Variants in ADK observed in about 807,000 individuals in gnomAD.
ADK encodes the protein adenosine kinase.
A neutral mutation model predicts 44.7 loss-of-function variants in ADK; 24 were observed. That is an observed-to-expected ratio of 0.54 (90% CI 0.39 to 0.76). The LOEUF (loss-of-function observed/expected upper bound fraction) is 0.76. Among genes scored for constraint, ADK ranks in the 30% least tolerant of loss-of-function variants. ADK has a pLI of 0.00. For synonymous variants in ADK, 128 were observed against 142.6 expected, an observed-to-expected ratio of 0.90 and a Z score of 0.73; for missense variants, 321 against 425.1, an observed-to-expected ratio of 0.76 and a Z score of 2.15.
intron 1 of ADK, among the ~76,000 whole-genome samples, chr10:74,191,451 G>C (rs1842948687): frequency 6.7e-6 from 1 of 149,910 alleles, no homozygotes; most frequent in African/African-American, 2.5e-5. Context: ...AAAAAGACAG[G>C]GTCTCGCCCA....
intron 6 of ADK, among the ~76,000 whole-genome samples, chr10:74,498,810 A>G (rs1197419960): frequency 6.6e-6 from 1 of 152,170 alleles, no homozygotes; most frequent in African/African-American, 2.4e-5. Flanking sequence ...ACCAACCCAA[A>G]TGTCCAACAA....
At chr10:74,285,555 T>G (rs1347481449) in intron 3 of ADK, among the ~76,000 whole-genome samples, 4 of 151,956 alleles carry the variant, frequency 2.6e-5, no homozygotes. Flanking sequence ...TCTATATGCA[T>G]CTGTGGTCCC....
chr10:74,543,199 C>T (rs1021671420), intron 7 of ADK, among the ~76,000 whole-genome samples: 3 of 148,866 alleles, frequency 2.0e-5, no homozygotes, highest in African/African-American at 7.7e-5. Flanking sequence ...AGCGCCTGGC[C>T]TATTTCATTT....
intron 6 of ADK, among the ~76,000 whole-genome samples, chr10:74,474,379 A>G (rs1846730882): frequency 6.6e-6 from 1 of 152,204 alleles, no homozygotes; most frequent in South Asian, 2.1e-4. Flanking sequence ...CTGAGATCAC[A>G]TGTGTGACCC....
intron 6 of ADK, among the ~76,000 whole-genome samples, chr10:74,414,190 T>C (rs1342637213): frequency 1.3e-5 from 2 of 152,160 alleles, no homozygotes; most frequent in African/African-American, 2.4e-5. Flanking sequence ...AAGGCAGGCT[T>C]GCCATAAACC....
intron 3 of ADK, among the ~76,000 whole-genome samples, chr10:74,277,297 C>T (rs1428485139): frequency 6.6e-6 from 1 of 152,208 alleles, no homozygotes; most frequent in Non-Finnish European, 1.5e-5. Flanking sequence ...TAAGTCTATA[C>T]ATTTTTCTCA....
intron 7 of ADK, among the ~76,000 whole-genome samples, chr10:74,573,172 C>T (rs7903786): frequency 0.5 from 74,797 of 150,986 alleles, 22,971 homozygotes; most frequent in African/African-American, 0.85. Flanking sequence ...GATGTACAGA[C>T]GGGTTTTTGG....
At chr10:74,161,700 CT>C (rs560513649) in intron 1 of ADK, among the ~76,000 whole-genome samples, 185 of 144,156 alleles carry the variant, frequency 1.3e-3, no homozygotes, top group South Asian at 4.7e-3. Flanking sequence ...ATTCTTAACA[CT>C]TTTTTTTTTT....
intron 10 of ADK, among the ~76,000 whole-genome samples, chr10:74,673,415 A>G (rs1855256325): frequency 6.6e-6 from 1 of 152,236 alleles, no homozygotes; most frequent in Non-Finnish European, 1.5e-5. Flanking sequence ...CTAGCCAGCC[A>G]CTTTGGTGCC....
chr10:74,355,950 C>CTG (rs1418470827), intron 4 of ADK, among the ~76,000 whole-genome samples: 2 of 145,250 alleles, frequency 1.4e-5, no homozygotes, highest in East Asian at 2.0e-4. Flanking sequence ...AAGGATACCT[C>CTG]TGTGTGTGTG....
chr10:74,609,667 G>A (rs755310757), intron 9 of ADK, among the ~76,000 whole-genome samples: 2 of 152,026 alleles, frequency 1.3e-5, no homozygotes, highest in Non-Finnish European at 2.9e-5. Context: ...GGTGCAGACC[G>A]GAGCTGTTCC....
chr10:74,193,266 A>G (rs561969666), intron 1 of ADK, among the ~76,000 whole-genome samples: 5 of 150,452 alleles, frequency 3.3e-5, no homozygotes, highest in African/African-American at 1.2e-4. Flanking sequence ...TTTTTTTATT[A>G]TACTTTAAGT....
intron 6 of ADK, among the ~76,000 whole-genome samples, chr10:74,452,079 G>C (rs980710171): frequency 6.6e-6 from 1 of 151,776 alleles, no homozygotes; most frequent in Non-Finnish European, 1.5e-5. Context: ...GTATAATAAT[G>C]CATGACTAGA....
At chr10:74,420,679 A>G (rs935940386) in intron 6 of ADK, among the ~76,000 whole-genome samples, 1 of 152,146 alleles carries the variant, frequency 6.6e-6, no homozygotes, top group Non-Finnish European at 1.5e-5. Flanking sequence ...TTGTGGAATA[A>G]TACCACGAAA....
intron 9 of ADK, among the ~76,000 whole-genome samples, chr10:74,649,267 TA>T (rs1314544701): frequency 1.3e-5 from 2 of 152,184 alleles, no homozygotes; most frequent in Non-Finnish European, 2.9e-5. Flanking sequence ...CTAGTTTTGT[TA>T]AAGTAGTATA....
At chr10:74,602,044 G>T (rs1852149324) in intron 9 of ADK, among the ~76,000 whole-genome samples, 1 of 141,812 alleles carries the variant, frequency 7.1e-6, no homozygotes, top group Admixed American at 7.4e-5. Context: ...GTTCGAGGCT[G>T]TGTTGAGCTA....
intron 10 of ADK, among the ~76,000 whole-genome samples, chr10:74,683,466 G>A (rs1434900106): frequency 6.6e-6 from 1 of 152,174 alleles, no homozygotes; most frequent in African/African-American, 2.4e-5. Context: ...CCTCCCAAAT[G>A]TAGATGACAA....
intron 6 of ADK, among the ~76,000 whole-genome samples, chr10:74,451,706 C>A (rs1845787242): frequency 6.6e-6 from 1 of 152,052 alleles, no homozygotes; most frequent in Non-Finnish European, 1.5e-5. Context: ...TCAAAAGATT[C>A]AGTGGGATAA....
rs1408858362 is a variant in ADK at position 74,627,591 on chromosome 10, T to C, written c.877+27098T>C. On this transcript the variant is annotated intron_variant, in intron 9 of 10. Coordinates refer to ENST00000539909, the MANE Select transcript of ADK (RefSeq NM_006721.4). The stretch of plus-strand genomic sequence containing the variant: ...TTTTTTTTAAGTACTAAGAGTGTTT[T>C]GGGCAGGGGAAAGAAATTCACAGTG... Among the ~76,000 whole-genome samples the C allele has an allele frequency of 2.6e-4, 39 of 152,148 alleles. 1 individual carries two copies. The highest frequency in any genetic ancestry group is 8.8e-5 in the Non-Finnish European group (6 of 67,968).
Sources: allele counts gnomAD v4.1 joint callset (sites outside exome capture counted in the v4.1 genomes callset), GRCh38; gene constraint gnomAD v4.1.1; transcripts MANE v1.5; gene names NCBI Gene and HGNC (gene_info 2026-07-23, HGNC 2026-07-21).